Variants in PHACTR4 observed in about 807,000 individuals in gnomAD.
PHACTR4 encodes the protein protein phosphatase 1, regulatory subunit 124.
PHACTR4 carries 51 observed loss-of-function variants against 72.7 expected under a neutral mutation model. The ratio of observed to expected loss-of-function variants is 0.70; its 90% CI spans 0.56 to 0.89. The LOEUF is 0.89. Among genes scored for constraint, PHACTR4 ranks in the 40% least tolerant of loss-of-function variants. The pLI is 0.00. For missense variants in PHACTR4, 731 were observed against 861.8 expected, an observed-to-expected ratio of 0.85 and a Z score of 1.90; for synonymous variants, 255 against 302.5, an observed-to-expected ratio of 0.84 and a Z score of 1.63.
chr1:28,484,130 C>T (rs888675413), intron 9 of PHACTR4, among the ~76,000 whole-genome samples: 5 of 152,068 alleles, frequency 3.3e-5, no homozygotes, highest in African/African-American at 1.2e-4. Flanking sequence ...CCAGACCAGC[C>T]TGGCCAACAT....
intron 6 of PHACTR4, among the ~76,000 whole-genome samples, chr1:28,472,888 A>G (rs1419798300): frequency 7.1e-6 from 1 of 140,278 alleles, no homozygotes; most frequent in Non-Finnish European, 1.5e-5. Context: ...AAGTATTGGG[A>G]TTACAGGTGT....
intron 2 of PHACTR4, among the ~76,000 whole-genome samples, chr1:28,419,509 T>C (rs1655369601): frequency 6.6e-6 from 1 of 151,886 alleles, no homozygotes; most frequent in African/African-American, 2.4e-5. Flanking sequence ...CACACTTTTT[T>C]TGAGATGAAG....
rs775209254 is a variant in PHACTR4, at chr1:28,466,685, C to T, written c.740C>T (p.Pro247Leu). The change falls in exon 6 of 14, where the codon CCA (proline) becomes CTA (leucine). Residue 247 changes from proline to leucine, a missense_variant. Coordinates refer to ENST00000373839, the MANE Select transcript of PHACTR4 (RefSeq NM_001048183.3). Reference protein sequence around the residue: ...APASTNTTATPSLTHMVPAKQ... With the variant: ...APASTNTTATLSLTHMVPAKQ... ...GCCAGCACTAACACTACTGCTACCC[C>T]AAGCCTCACTCATATGGTCCCTGCC... The T allele has an allele frequency of 3.1e-6, 5 of 1,613,986 alleles. No homozygotes were observed. The highest frequency in any genetic ancestry group is 3.3e-5 in the Admixed American group (2 of 59,984).
intron 2 of PHACTR4, among the ~76,000 whole-genome samples, chr1:28,449,871 C>T (rs540774918): frequency 1.3e-5 from 2 of 151,622 alleles, no homozygotes; most frequent in African/African-American, 2.4e-5. Flanking sequence ...AAAATCACCC[C>T]TGAAATTCAT....
chr1:28,484,762 C>T (rs6426346), intron 9 of PHACTR4, among the ~76,000 whole-genome samples: 15,746 of 151,274 alleles, frequency 0.1, 1,876 homozygotes, highest in African/African-American at 0.3. Context: ...GGTCAGGAGA[C>T]AGAGACCATC....
At chr1:28,444,124 C>G (rs1026224958) in intron 2 of PHACTR4, among the ~76,000 whole-genome samples, 4 of 150,826 alleles carry the variant, frequency 2.7e-5, no homozygotes, top group African/African-American at 9.8e-5. Flanking sequence ...TAATAGCCTC[C>G]TAACTGGGGT....
Position 28,460,184 on chromosome 1 carries a change from T to G in PHACTR4, c.191-28T>G, listed in dbSNP as rs143944868. The G allele has an allele frequency of 2.6e-4, 401 of 1,520,220 alleles. 2 individuals carry two copies. In the African/African-American group the frequency reaches 5.0e-3, roughly 19 times the overall value. 94.2% of individuals were successfully genotyped at this position (1,520,220 alleles called of 1,614,324 possible). On this transcript the variant is annotated intron_variant, in intron 3 of 13. Coordinates refer to ENST00000373839, the MANE Select transcript of PHACTR4 (RefSeq NM_001048183.3). ...GGTTGACTTTCAACTGTCACATTTCTGAGTGCCATTTTCCAATTTAATGTT... is the reference window on the plus strand; with the variant it reads ...GGTTGACTTTCAACTGTCACATTTCGGAGTGCCATTTTCCAATTTAATGTT...
At chr1:28,369,932 C>T in intron 1 of PHACTR4, 107 bp downstream of exon 1, 3 of 368,164 alleles carry the variant, frequency 8.1e-6, no homozygotes, top group South Asian at 2.0e-5. Context: ...GGTCCCGGTC[C>T]GGGCAGAAGG....
chr1:28,433,462 C>CTTT (rs567134987), intron 2 of PHACTR4, among the ~76,000 whole-genome samples: 16 of 130,528 alleles, frequency 1.2e-4, no homozygotes, highest in South Asian at 2.4e-4. Context: ...TTCTTTTTTT[C>CTTT]TTTTTTTTTT....
At chr1:28,480,229 G>A (rs1341949475) in intron 8 of PHACTR4, among the ~76,000 whole-genome samples, 1 of 152,160 alleles carries the variant, frequency 6.6e-6, no homozygotes, top group African/African-American at 2.4e-5. Context: ...CCTGATAGAA[G>A]AGAAAAGATA....
rs536133549 is a variant in PHACTR4 at position 28,480,619 on chromosome 1, A to G, written c.1760+15A>G. The G allele has an allele frequency of 6.2e-7, 1 of 1,613,210 alleles. No homozygotes were observed. The highest frequency in any genetic ancestry group is 1.1e-5 in the South Asian group (1 of 91,034). ...ACACTGATCCGGTAGGCCTTTGCTT[A>G]GATTTGCTTGATTGATTTGGTTATG... On this transcript the variant is annotated intron_variant, in intron 9 of 13. Transcript: ENST00000373839.
At chr1:28,463,570 G>A (rs985530619) in intron 4 of PHACTR4, among the ~76,000 whole-genome samples, 1 of 152,234 alleles carries the variant, frequency 6.6e-6, no homozygotes, top group African/African-American at 2.4e-5. Context: ...TCTTGTTTTT[G>A]TTAAACATGG....
intron 2 of PHACTR4, among the ~76,000 whole-genome samples, chr1:28,431,919 A>G (rs1656290929): frequency 6.6e-6 from 1 of 152,072 alleles, no homozygotes; most frequent in African/African-American, 2.4e-5. Flanking sequence ...TTTTAGGAAA[A>G]TAATATCTTG....
intron 1 of PHACTR4, among the ~76,000 whole-genome samples, chr1:28,372,518 G>C (rs1651323243): frequency 6.6e-6 from 1 of 151,966 alleles, no homozygotes; most frequent in South Asian, 2.1e-4. Flanking sequence ...TGTTTTCCTG[G>C]CTATAGTTTG....
intron 2 of PHACTR4, among the ~76,000 whole-genome samples, chr1:28,410,625 A>T (rs1654717838): frequency 6.6e-6 from 1 of 152,226 alleles, no homozygotes; most frequent in Non-Finnish European, 1.5e-5. Context: ...ATTGAGGCAT[A>T]AAGTGAAATG....
intron 9 of PHACTR4, among the ~76,000 whole-genome samples, chr1:28,487,477 G>A (rs1338585814): frequency 2.8e-5 from 4 of 142,420 alleles, no homozygotes; most frequent in Admixed American, 1.5e-4. Context: ...TCGCACCACT[G>A]CACTCTAGCC....
At chr1:28,476,376 T>G (rs1659920064) in intron 8 of PHACTR4, 85 bp downstream of exon 8, 1 of 1,341,612 alleles carries the variant, frequency 7.5e-7, no homozygotes, top group African/African-American at 1.5e-5. Context: ...AAAAGAGATA[T>G]GGAAACAGGT....
intron 2 of PHACTR4, 22 bp downstream of exon 2, chr1:28,407,485 C>T: frequency 6.3e-7 from 1 of 1,594,860 alleles, no homozygotes; most frequent in Non-Finnish European, 8.6e-7. Context: ...CTACATTGTT[C>T]TTAGTAAATG....
At chr1:28,448,717 G>A (rs1386787039) in intron 2 of PHACTR4, among the ~76,000 whole-genome samples, 6 of 123,244 alleles carry the variant, frequency 4.9e-5, no homozygotes, top group Non-Finnish European at 8.0e-5. Context: ...AGCCGAGATC[G>A]TGCCACTGCA....
Sources: allele counts gnomAD v4.1 joint callset (sites outside exome capture counted in the v4.1 genomes callset), GRCh38; gene constraint gnomAD v4.1.1; transcripts MANE v1.5; gene names NCBI Gene and HGNC (gene_info 2026-07-23, HGNC 2026-07-21).